Variants in VNN2 observed in about 807,000 individuals in gnomAD.
VNN2 encodes pantetheine hydrolase VNN2.
VNN2 carries 43 observed loss-of-function variants against 43.0 expected under a neutral mutation model. The ratio of observed to expected loss-of-function variants is 1.00; its 90% confidence interval spans 0.78 to 1.29. The LOEUF is 1.29. Ranked by LOEUF, VNN2 falls within the 50% of genes most tolerant of loss-of-function variation. The probability of loss-of-function intolerance (pLI) is 0.00; values close to 1 mark genes in which losing one functional copy is unlikely to be tolerated. For synonymous variants in VNN2, 230 were observed against 224.3 expected (o/e 1.03, Z -0.23); for missense variants, 652 against 619.7 (o/e 1.05, Z -0.55).
chr6:132,757,509 T>C lies in VNN2; in HGVS notation c.251A>G (p.Tyr84Cys). The change falls in exon 2 of 7, where the codon TAT becomes TGT. Residue 84 changes from tyrosine (Y) to cysteine (C), a missense_variant. Physicochemically the swap from Tyr to Cys is radical, Grantham distance 194. Coordinates refer to ENST00000326499, the MANE Select transcript of VNN2 (RefSeq NM_004665.6). ...AGTTTCCCTGGTAAATTTCCATCCA[T>C]AAAGTGCATCTTCTGGAGTCACAAT... ...RIIVTPEDAL[Y>C]GWKFTRETVF... 6.2e-7 allele frequency: 1 copy of C among 1,614,112 alleles called. No homozygotes were observed. Among genetic ancestry groups the C allele is most frequent in the Non-Finnish European group, 8.5e-7 (1 of 1,179,984 alleles).
Position 132,757,776 on chromosome 6 carries a change from A to T in VNN2, c.108T>A (p.Ile36=). 1 of 1,614,160 alleles carries T rather than the reference A, an allele frequency of 6.2e-7. No individual in the cohort carries two copies. The highest frequency in any genetic ancestry group is 2.2e-5 in the East Asian group (1 of 44,882). Residue 36 remains isoleucine, a synonymous_variant, in exon 1 of 7, where the codon ATT becomes ATA. Transcript: ENST00000326499. ...FIAAVYEHAV[I]LPNKTETPVS... ...CTGGTGTTTCTGTTTTATTTGGCAA[A>T]ATGACAGCATGTTCATACACTGCAG...
chr6:132,755,048 C>T (rs550165338), intron 3 of VNN2, among the ~76,000 whole-genome samples: 9 of 152,156 alleles, frequency 5.9e-5, no homozygotes, highest in Non-Finnish European at 1.2e-4. Context: ...CACATGCCTA[C>T]AGTCTCAGCT....
intron 2 of VNN2, 64 bp downstream of exon 2, chr6:132,757,352 C>T: frequency 6.6e-7 from 1 of 1,518,408 alleles, no homozygotes; most frequent in Non-Finnish European, 8.8e-7. Context: ...AATCATTTTG[C>T]TTTGGTGAAC....
At position 132,757,478 on chromosome 6, in the gene VNN2, G is replaced by T; in HGVS notation, c.282C>A (p.Phe94Leu). 1 of 1,613,928 alleles carries T rather than the reference G, an allele frequency of 6.2e-7. No homozygotes were observed. Among genetic ancestry groups the T allele is most frequent in the Non-Finnish European group, 8.5e-7 (1 of 1,179,888 alleles). Residue 94 changes from phenylalanine to leucine, a missense_variant, in exon 2 of 7, where the codon TTC (phenylalanine) becomes TTA (leucine). Phe to Leu is a conservative substitution (Grantham distance 22). Coordinates refer to ENST00000326499, the MANE Select transcript of VNN2 (RefSeq NM_004665.6). ...GGTCTGGGATATCCTCCAGATAAGG[G>T]AAAACAGTTTCCCTGGTAAATTTCC... is the stretch of plus-strand genomic sequence containing the variant. ...YGWKFTRETV[F>L]PYLEDIPDPQ...
At chr6:132,761,437 A>T (rs1259964569), upstream of VNN2, among the ~76,000 whole-genome samples, 1 of 151,936 alleles carries the variant, frequency 6.6e-6, no homozygotes, top group Non-Finnish European at 1.5e-5. Flanking sequence ...AGGCGGGCGA[A>T]TTATTTGAGG....
rs746325745 is a variant in VNN2 at position 132,751,508 on chromosome 6, A to T, written c.837T>A (p.Ile279=). The T allele has an allele frequency of 3.1e-6, 5 of 1,606,046 alleles. No individual in the cohort carries two copies. The highest frequency in any genetic ancestry group is 2.2e-5 in the South Asian group (2 of 90,020). The part of the protein sequence containing the change: ...HVSLNMTGSG[I]YAPNGPKVYH... ...ACACTTTGGGACCATTTGGTGCATA[A>T]ATACCACTTCCTGTGAATGAAAGAC... The change falls in exon 5 of 7, where the codon ATT becomes ATA. Residue 279 remains isoleucine, a synonymous_variant. Transcript: ENST00000326499.
At chr6:132,759,883 G>A (rs1780699224), upstream of VNN2, among the ~76,000 whole-genome samples, 1 of 152,200 alleles carries the variant, frequency 6.6e-6, no homozygotes, top group Non-Finnish European at 1.5e-5. Context: ...ATAATAGACT[G>A]TTAGTATATA....
chr6:132,755,916 G>C lies in VNN2; in HGVS notation c.464C>G (p.Pro155Arg), dbSNP rs781678868. Residue 155 changes from proline to arginine, a missense_variant, in exon 3 of 7, where the codon CCT (proline) becomes CGT (arginine). By Grantham distance (103) the Pro-to-Arg change is moderately radical. Coordinates refer to ENST00000326499, the MANE Select transcript of VNN2 (RefSeq NM_004665.6). ...GGTATTGTATTGAAAGTAGCCATTAGGAGGACATGTGGAGTCACGGGAATT... is the reference window on the plus strand; with the variant it reads ...GGTATTGTATTGAAAGTAGCCATTACGAGGACATGTGGAGTCACGGGAATT... ...PCNSRDSTCP[P>R]NGYFQYNTNV... 1 of 1,614,034 alleles carries C rather than the reference G, an allele frequency of 6.2e-7. No homozygotes were observed. Among genetic ancestry groups the C allele is most frequent in the African/African-American group, 1.3e-5 (1 of 74,910 alleles).
At chr6:132,755,015 A>T (rs1229846942) in intron 3 of VNN2, among the ~76,000 whole-genome samples, 6 of 152,156 alleles carry the variant, frequency 3.9e-5, no homozygotes, top group African/African-American at 1.2e-4. Context: ...TTCCAAAAAA[A>T]TATTTAAAAA....
At chr6:132,752,225 G>T (rs1780151861) in intron 4 of VNN2, among the ~76,000 whole-genome samples, 1 of 152,078 alleles carries the variant, frequency 6.6e-6, no homozygotes, top group South Asian at 2.1e-4. Flanking sequence ...CTGCAAAATT[G>T]GGATGACACT....
upstream of VNN2, chr6:132,757,996 CA>C (rs1428557525): frequency 9.6e-3 from 2,716 of 283,076 alleles, 451 homozygotes; most frequent in African/African-American, 0.018. Context: ...ACTTTATCAT[CA>C]TTTTTCTTCT....
intron 6 of VNN2, among the ~76,000 whole-genome samples, chr6:132,745,332 C>T (rs538607516): frequency 6.6e-6 from 1 of 152,208 alleles, no homozygotes; most frequent in Non-Finnish European, 1.5e-5. Flanking sequence ...TCTCCTGCCT[C>T]AAGCTCCCCA....
intron 3 of VNN2, among the ~76,000 whole-genome samples, chr6:132,754,513 G>A (rs1780337256): frequency 6.6e-6 from 1 of 152,100 alleles, no homozygotes; most frequent in African/African-American, 2.4e-5. Context: ...TATTTTAACT[G>A]AGACTGCCAG....
At chr6:132,745,635 T>G (rs1380202252) in intron 6 of VNN2, among the ~76,000 whole-genome samples, 4 of 152,174 alleles carry the variant, frequency 2.6e-5, no homozygotes, top group African/African-American at 9.7e-5. Context: ...TGTTTAAAGT[T>G]ACATCACACC....
At chr6:132,750,142 A>G (rs1037986252) in intron 5 of VNN2, among the ~76,000 whole-genome samples, 7 of 152,180 alleles carry the variant, frequency 4.6e-5, no homozygotes, top group African/African-American at 1.7e-4. Flanking sequence ...CATCGAGCTC[A>G]ATGAAGTGGA....
chr6:132,761,383 G>A (rs563485735), upstream of VNN2, among the ~76,000 whole-genome samples: 8 of 152,028 alleles, frequency 5.3e-5, no homozygotes, highest in African/African-American at 1.9e-4. Context: ...TATTGGGGTG[G>A]GCGCAGTGAC....
At chr6:132,761,791 A>AT (rs1582844853), upstream of VNN2, among the ~76,000 whole-genome samples, 2 of 152,036 alleles carry the variant, frequency 1.3e-5, no homozygotes, top group Non-Finnish European at 1.5e-5. Context: ...TAAAAACCTC[A>AT]TTTTTTTCCC....
intron 1 of VNN2, 32 bp downstream of exon 1, chr6:132,757,639 G>A: frequency 1.2e-6 from 2 of 1,611,042 alleles, no homozygotes; most frequent in Non-Finnish European, 1.7e-6. Context: ...TGCCCCTCGT[G>A]TACATTATGA....
intron 4 of VNN2, 26 bp downstream of exon 4, chr6:132,752,435 T>C (rs758913232): frequency 1.4e-5 from 22 of 1,585,528 alleles, no homozygotes; most frequent in Non-Finnish European, 1.9e-5. Flanking sequence ...AAATATAAGA[T>C]GAAACCTAAC....
Sources: allele counts gnomAD v4.1 joint callset (sites outside exome capture counted in the v4.1 genomes callset), GRCh38; gene constraint gnomAD v4.1.1; transcripts MANE v1.5; gene names NCBI Gene and HGNC (gene_info 2026-07-23, HGNC 2026-07-21).